The following PAK5 variants were observed in gnomAD, a reference collection of about 807,000 sequenced individuals.
PAK5 encodes p21 (RAC1) activated kinase 5.
Under a neutral mutation model 65.9 loss-of-function variants are expected in PAK5, and 16 were observed. The ratio of observed to expected loss-of-function variants is 0.24; its 90% CI spans 0.16 to 0.37. PAK5 has a LOEUF of 0.37. Among genes scored for constraint, PAK5 ranks in the 10% least tolerant of loss-of-function variants. The pLI is 1.00. For missense variants in PAK5, 785 were observed against 903.9 expected (o/e 0.87, Z 1.69); for synonymous variants, 371 against 354.9 (o/e 1.05, Z -0.51).
intron 2 of PAK5, among the ~76,000 whole-genome samples, chr20:9,679,259 T>G (rs1373208977): frequency 6.6e-6 from 1 of 152,216 alleles, no homozygotes; most frequent in Non-Finnish European, 1.5e-5. Flanking sequence ...ATATGTGTCA[T>G]TGACTCTGAT....
chr20:9,755,767 G>T (rs902490208), intron 1 of PAK5, among the ~76,000 whole-genome samples: 1 of 152,188 alleles, frequency 6.6e-6, no homozygotes, highest in African/African-American at 2.4e-5. Context: ...ACACTGAGAT[G>T]AAATGCACCA....
intron 4 of PAK5, among the ~76,000 whole-genome samples, chr20:9,573,465 C>T (rs982147473): frequency 3.3e-5 from 5 of 152,170 alleles, no homozygotes; most frequent in Admixed American, 6.5e-5. Flanking sequence ...TCAATTGCTC[C>T]GATTACAGCT....
At chr20:9,771,849 C>T (rs1369520514) in intron 1 of PAK5, among the ~76,000 whole-genome samples, 1 of 151,938 alleles carries the variant, frequency 6.6e-6, no homozygotes, top group Non-Finnish European at 1.5e-5. Context: ...ACCAGCCTGC[C>T]CAACATGGCA....
At chr20:9,759,214 C>T (rs1168479502) in intron 1 of PAK5, among the ~76,000 whole-genome samples, 1 of 152,082 alleles carries the variant, frequency 6.6e-6, no homozygotes, top group Admixed American at 6.6e-5. Flanking sequence ...CAGAATGTAG[C>T]TGGGCTTTTT....
chr20:9,688,537 C>A (rs530253416), intron 2 of PAK5, among the ~76,000 whole-genome samples: 1 of 152,064 alleles, frequency 6.6e-6, no homozygotes, highest in South Asian at 2.1e-4. Flanking sequence ...GGGCTTCTTT[C>A]CTGCTGCTGA....
intron 1 of PAK5, among the ~76,000 whole-genome samples, chr20:9,807,459 T>A (rs1031566635): frequency 6.6e-6 from 1 of 152,030 alleles, no homozygotes; most frequent in African/African-American, 2.4e-5. Context: ...TGAAAGTACC[T>A]AATAAAATGC....
intron 1 of PAK5, among the ~76,000 whole-genome samples, chr20:9,832,341 C>T (rs1056690315): frequency 3.3e-5 from 5 of 152,048 alleles, no homozygotes; most frequent in South Asian, 2.1e-4. Context: ...AACGCGATCT[C>T]GGCTTACTGC....
chr20:9,597,579 T>C (rs1214819460), intron 3 of PAK5, among the ~76,000 whole-genome samples: 1 of 152,220 alleles, frequency 6.6e-6, no homozygotes, highest in Admixed American at 6.5e-5. Flanking sequence ...TCTGTATGCA[T>C]GTCCTTTGGA....
chr20:9,835,544 A>G (rs1365380369), intron 1 of PAK5, among the ~76,000 whole-genome samples: 2 of 152,094 alleles, frequency 1.3e-5, no homozygotes, highest in African/African-American at 4.8e-5. Flanking sequence ...TATGTAGGGA[A>G]CTGACATTAT....
intron 3 of PAK5, among the ~76,000 whole-genome samples, chr20:9,641,942 T>G (rs7267963): frequency 3.8e-3 from 581 of 151,832 alleles, no homozygotes; most frequent in Admixed American, 0.01. Context: ...AAGCACCGCA[T>G]GCAGCCCCGG....
intron 1 of PAK5, among the ~76,000 whole-genome samples, chr20:9,738,238 A>G (rs1184678427): frequency 1.3e-5 from 2 of 152,180 alleles, no homozygotes; most frequent in Non-Finnish European, 2.9e-5. Context: ...TGTATAACCC[A>G]CTTTGGAAAA....
intron 3 of PAK5, among the ~76,000 whole-genome samples, chr20:9,640,457 A>G (rs1176599106): frequency 6.6e-6 from 1 of 151,946 alleles, no homozygotes; most frequent in African/African-American, 2.4e-5. Context: ...GATCCAGTCT[A>G]TCATTGTTGG....
intron 7 of PAK5, among the ~76,000 whole-genome samples, chr20:9,545,526 T>C (rs951987691): frequency 6.6e-6 from 1 of 152,198 alleles, no homozygotes; most frequent in Non-Finnish European, 1.5e-5. Flanking sequence ...CTCCAGGGTA[T>C]GAATTCTCTC....
intron 7 of PAK5, among the ~76,000 whole-genome samples, chr20:9,550,097 T>C (rs2045403378): frequency 6.6e-6 from 1 of 152,106 alleles, no homozygotes; most frequent in African/African-American, 2.4e-5. Flanking sequence ...GGCGCTATAG[T>C]GTGGGTGGAA....
intron 6 of PAK5, among the ~76,000 whole-genome samples, chr20:9,558,676 C>G (rs769124765): frequency 6.6e-6 from 1 of 152,216 alleles, no homozygotes; most frequent in Non-Finnish European, 1.5e-5. Context: ...CACCCTCTCT[C>G]TTCTTCCTCC....
At chr20:9,583,413 G>A (rs1175518663) in intron 3 of PAK5, among the ~76,000 whole-genome samples, 1 of 152,158 alleles carries the variant, frequency 6.6e-6, no homozygotes, top group Non-Finnish European at 1.5e-5. Context: ...AAACAACTTT[G>A]TCAACTCAAG....
At chr20:9,625,562 TA>T (rs1383477218) in intron 3 of PAK5, among the ~76,000 whole-genome samples, 1 of 152,226 alleles carries the variant, frequency 6.6e-6, no homozygotes, top group South Asian at 2.1e-4. Flanking sequence ...TTTGTCTTCA[TA>T]TTTTTTTCTT....
intron 4 of PAK5, among the ~76,000 whole-genome samples, chr20:9,577,084 A>T (rs1450923820): frequency 2.0e-5 from 3 of 152,190 alleles, no homozygotes; most frequent in African/African-American, 4.8e-5. Flanking sequence ...GCGAGGGTGG[A>T]AAGCATTCTC....
chr20:9,792,866 A>C (rs1202225186), intron 1 of PAK5, among the ~76,000 whole-genome samples: 3 of 152,142 alleles, frequency 2.0e-5, no homozygotes, highest in East Asian at 1.9e-4. Context: ...TGAAGCAAGG[A>C]TATGACTCAA....
Sources: gnomAD v4.1 joint callset for allele counts (sites outside exome capture counted in the v4.1 genomes callset) on GRCh38, gnomAD v4.1.1 for gene constraint, MANE v1.5 for transcripts, NCBI Gene and HGNC (gene_info 2026-07-23, HGNC 2026-07-21) for gene names.